Variants in SIPA1L3 observed in about 807,000 individuals in gnomAD.
SIPA1L3 encodes signal induced proliferation associated 1 like 3.
SIPA1L3 carries 59 observed loss-of-function variants against 150.1 expected under a neutral mutation model. The ratio of observed to expected loss-of-function variants is 0.39; its 90% confidence interval spans 0.32 to 0.49. The LOEUF is 0.49. SIPA1L3 is among the 20% of genes least tolerant of loss of function. The probability of loss-of-function intolerance (pLI) is 0.86; values close to 1 mark genes in which losing one functional copy is unlikely to be tolerated. For missense variants in SIPA1L3, 2,211 were observed against 2,489.5 expected (o/e 0.89, Z 2.38); for synonymous variants, 1,070 against 1,077.6 (o/e 0.99, Z 0.14).
At position 37,947,899 on chromosome 19, in the gene SIPA1L3, G is replaced by A. The variant is rs535035019; in HGVS notation, c.-379+40541G>A. ...CACTTTCCCTATGCTGGAGTTCTATGTTTTAGGCCTGTTCTCTGCCTCTGC... is the reference window on the plus strand; with the variant it reads ...CACTTTCCCTATGCTGGAGTTCTATATTTTAGGCCTGTTCTCTGCCTCTGC... On this transcript the variant is annotated intron_variant, in intron 1 of 21. Transcript: ENST00000222345. 4.6e-5 allele frequency among the ~76,000 whole-genome samples: 7 copies of A among 152,200 alleles called. No homozygotes were observed. The South Asian group carries it at 1.0e-3, about 22-fold the overall frequency.
At chr19:38,192,022 G>A in intron 16 of SIPA1L3, 123 bp from the exon 17 acceptor site, 1 of 854,078 alleles carries the variant, frequency 1.2e-6, no homozygotes, top group Non-Finnish European at 1.8e-6. Flanking sequence ...CGCGTTTGCT[G>A]GGTGAAGGAG....
intron 9 of SIPA1L3, 140 bp downstream of exon 9, chr19:38,120,022 A>G: frequency 4.8e-6 from 3 of 623,706 alleles, no homozygotes; most frequent in African/African-American, 1.8e-5. Flanking sequence ...CTTACAAACT[A>G]GACATCTTGT....
intron 15 of SIPA1L3, among the ~76,000 whole-genome samples, chr19:38,174,721 G>A (rs1972402173): frequency 1.3e-5 from 2 of 152,156 alleles, no homozygotes; most frequent in South Asian, 4.2e-4. Context: ...GTGGTGGCGG[G>A]TGCCAGTAGT....
At chr19:38,081,086 G>A (rs1394502425) in intron 2 of SIPA1L3, among the ~76,000 whole-genome samples, 170 bp from the exon 3 acceptor site, 1 of 152,150 alleles carries the variant, frequency 6.6e-6, no homozygotes, top group Admixed American at 6.6e-5. Flanking sequence ...AGTGGTTGTT[G>A]GAGCTGATGG....
chr19:38,196,248 C>T (rs996890274), intron 18 of SIPA1L3, among the ~76,000 whole-genome samples: 9 of 152,230 alleles, frequency 5.9e-5, no homozygotes, highest in African/African-American at 1.9e-4. Flanking sequence ...CAGCCACTCC[C>T]GTGGCTCCCA....
intron 12 of SIPA1L3, among the ~76,000 whole-genome samples, 183 bp downstream of exon 12, chr19:38,142,893 G>A (rs1230744414): frequency 2.0e-5 from 3 of 152,006 alleles, no homozygotes; most frequent in Admixed American, 6.6e-5. Flanking sequence ...AAACTGGGCC[G>A]GGCTGGGCAG....
At chr19:38,191,198 G>C (rs964118128) in intron 16 of SIPA1L3, among the ~76,000 whole-genome samples, 1 of 151,932 alleles carries the variant, frequency 6.6e-6, no homozygotes, top group Admixed American at 6.6e-5. Flanking sequence ...CTTGAGCCCA[G>C]GAGTTTGGGA....
intron 2 of SIPA1L3, among the ~76,000 whole-genome samples, chr19:38,029,856 C>CTTT (rs35091359): frequency 2.5e-5 from 3 of 120,874 alleles, no homozygotes; most frequent in South Asian, 2.7e-4. Flanking sequence ...ACCTCGGCCT[C>CTTT]TTTTTTTTTT....
At chr19:37,915,373 TTTTG>T (rs953421874) in intron 1 of SIPA1L3, among the ~76,000 whole-genome samples, 4 of 151,972 alleles carry the variant, frequency 2.6e-5, no homozygotes, top group Admixed American at 2.6e-4. Context: ...AGGTGTTTTT[TTTTG>T]TTTGTTTGTT....
chr19:38,059,449 G>T (rs1007656782), intron 2 of SIPA1L3, among the ~76,000 whole-genome samples: 6 of 151,584 alleles, frequency 4.0e-5, no homozygotes, highest in Non-Finnish European at 7.4e-5. Flanking sequence ...GACTACAGGT[G>T]CCTGCCACCA....
At chr19:37,920,668 C>T (rs1290372903) in intron 1 of SIPA1L3, among the ~76,000 whole-genome samples, 1 of 152,224 alleles carries the variant, frequency 6.6e-6, no homozygotes, top group Non-Finnish European at 1.5e-5. Flanking sequence ...GGGGAATTCC[C>T]TGCCTCTGCT....
At chr19:38,071,253 CTATCTATCTAT>C (rs1474735562) in intron 2 of SIPA1L3, among the ~76,000 whole-genome samples, 1 of 151,882 alleles carries the variant, frequency 6.6e-6, no homozygotes, top group African/African-American at 2.4e-5. Flanking sequence ...ATCTATCTAT[CTATCTATCTAT>C]CTGCCTGCCT....
chr19:38,194,243 A>G (rs1972871406), intron 18 of SIPA1L3, among the ~76,000 whole-genome samples: 1 of 151,966 alleles, frequency 6.6e-6, no homozygotes, highest in Non-Finnish European at 1.5e-5. Flanking sequence ...TTAATCACCC[A>G]GAAAATATTT....
At chr19:38,201,345 C>A (rs183681995) in intron 19 of SIPA1L3, among the ~76,000 whole-genome samples, 2 of 152,354 alleles carry the variant, frequency 1.3e-5, no homozygotes, top group African/African-American at 4.8e-5. Flanking sequence ...CTGGCAGCCC[C>A]GTGCGATTTC....
chr19:37,966,565 G>A (rs1355210168), intron 1 of SIPA1L3, among the ~76,000 whole-genome samples: 16 of 152,132 alleles, frequency 1.1e-4, no homozygotes. Context: ...TCTGGGGCAG[G>A]CTCTGTTCTG....
chr19:37,957,419 C>A (rs2046820426), intron 1 of SIPA1L3, among the ~76,000 whole-genome samples: 1 of 152,128 alleles, frequency 6.6e-6, no homozygotes, highest in African/African-American at 2.4e-5. Context: ...GAATGCTTCT[C>A]TGTTTATTTA....
intron 1 of SIPA1L3, among the ~76,000 whole-genome samples, chr19:38,027,108 G>A (rs1438643002): frequency 6.6e-6 from 1 of 152,040 alleles, no homozygotes; most frequent in African/African-American, 2.4e-5. Context: ...CCCAGACAAC[G>A]TGACGAAACC....
chr19:38,045,175 C>T (rs924176107), intron 2 of SIPA1L3, among the ~76,000 whole-genome samples: 3 of 151,998 alleles, frequency 2.0e-5, no homozygotes, highest in Non-Finnish European at 4.4e-5. Flanking sequence ...GTCAGGAGTT[C>T]GAGACCAGCC....
At chr19:37,943,624 C>T (rs982685140) in intron 1 of SIPA1L3, among the ~76,000 whole-genome samples, 10 of 152,184 alleles carry the variant, frequency 6.6e-5, no homozygotes, top group Non-Finnish European at 1.5e-4. Context: ...GGACTTTGAG[C>T]CCTGAGCCTG....
Sources: allele counts gnomAD v4.1 joint callset (sites outside exome capture counted in the v4.1 genomes callset), GRCh38; gene constraint gnomAD v4.1.1; transcripts MANE v1.5; gene names NCBI Gene and HGNC (gene_info 2026-07-23, HGNC 2026-07-21).